The following DOCK9 variants were observed in gnomAD, a reference collection of about 807,000 sequenced individuals.
The protein encoded by DOCK9 is dedicator of cytokinesis 9.
A neutral mutation model predicts 263.3 loss-of-function variants in DOCK9; 89 were observed. That is an observed-to-expected ratio of 0.34 (90% confidence interval 0.28 to 0.40). DOCK9 has a LOEUF of 0.40. DOCK9 is among the 10% of genes least tolerant of loss of function. The pLI is 1.00. For missense variants in DOCK9, 2,140 were observed against 2,603.4 expected, an observed-to-expected ratio of 0.82 and a Z score of 3.87; for synonymous variants, 976 against 973.1, an observed-to-expected ratio of 1.00 and a Z score of -0.06.
At chr13:98,920,369 CT>C (rs2051737236) in intron 7 of DOCK9, among the ~76,000 whole-genome samples, 1 of 152,158 alleles carries the variant, frequency 6.6e-6, no homozygotes, top group South Asian at 2.1e-4. Flanking sequence ...CTGTTCTAAG[CT>C]TTTTACATGT....
At chr13:99,016,529 C>T (rs1885436880) in intron 1 of DOCK9, among the ~76,000 whole-genome samples, 1 of 152,202 alleles carries the variant, frequency 6.6e-6, no homozygotes, top group Admixed American at 6.5e-5. Context: ...GAAATACATG[C>T]TGAGGTCTCA....
intron 1 of DOCK9, among the ~76,000 whole-genome samples, chr13:98,993,420 T>A (rs183006137): frequency 4.3e-4 from 65 of 152,378 alleles, no homozygotes; most frequent in African/African-American, 1.5e-3. Context: ...GGAAATTTTT[T>A]AAACTGTTCC....
rs753028152 is a variant in DOCK9, at chr13:98,856,017, T to A, written c.3712A>T (p.Thr1238Ser). Reference sequence around the variant, plus strand: ...ACACTGTTGATGTTTGGAGTTGAGGTTGTATATGGAGAAGCTAAATGGAAA... The same window carrying A: ...ACACTGTTGATGTTTGGAGTTGAGGATGTATATGGAGAAGCTAAATGGAAA... ...AISGIASPYTTSTPNINSVRN... is the reference protein window; with the variant it reads ...AISGIASPYTSSTPNINSVRN... The change falls in exon 34 of 53, where the codon ACC becomes TCC. Residue 1238 changes from threonine (T) to serine (S), a missense_variant. Coordinates refer to ENST00000682017, the MANE Select transcript of DOCK9 (RefSeq NM_001366683.2). 1 of 1,613,728 alleles carries A rather than the reference T, an allele frequency of 6.2e-7. No individual in the cohort carries two copies. The highest frequency in any genetic ancestry group is 8.5e-7 in the Non-Finnish European group (1 of 1,179,846).
chr13:98,887,432 T>C (rs973194564), intron 18 of DOCK9, among the ~76,000 whole-genome samples: 4 of 149,822 alleles, frequency 2.7e-5, no homozygotes, highest in Non-Finnish European at 5.9e-5. Flanking sequence ...CTGGCTAACA[T>C]GGTGAAACCC....
chr13:99,027,445 C>A (rs1259858773), intron 1 of DOCK9, among the ~76,000 whole-genome samples: 1 of 152,204 alleles, frequency 6.6e-6, no homozygotes, highest in African/African-American at 2.4e-5. Flanking sequence ...CTCAGGCCCA[C>A]TGAAGGGCTG....
intron 1 of DOCK9, among the ~76,000 whole-genome samples, chr13:99,005,630 T>C (rs1185198800): frequency 6.6e-6 from 1 of 152,184 alleles, no homozygotes; most frequent in Non-Finnish European, 1.5e-5. Context: ...GAAATTGAAT[T>C]AGGATCTTAA....
At chr13:99,070,256 G>A (rs1210661740) in intron 1 of DOCK9, among the ~76,000 whole-genome samples, 1 of 152,150 alleles carries the variant, frequency 6.6e-6, no homozygotes, top group Non-Finnish European at 1.5e-5. Flanking sequence ...CATCTTACAT[G>A]TAGTACAAAC....
exon 1 of DOCK9, chr13:99,086,410 G>C (rs998301019): frequency 2.6e-4 from 256 of 984,004 alleles, no homozygotes; most frequent in Non-Finnish European, 3.1e-4. Context: ...CGGCCGCGCG[G>C]CCGCCAGGTG....
intron 1 of DOCK9, among the ~76,000 whole-genome samples, chr13:98,988,952 G>A (rs1181479032): frequency 6.6e-6 from 1 of 152,118 alleles, no homozygotes; most frequent in Non-Finnish European, 1.5e-5. Context: ...GCAACCACTG[G>A]CCCGGGGCCA....
chr13:98,897,245 T>C (rs1263112983), intron 15 of DOCK9, among the ~76,000 whole-genome samples: 1 of 152,160 alleles, frequency 6.6e-6, no homozygotes, highest in African/African-American at 2.4e-5. Flanking sequence ...CATAGGCTCA[T>C]CCTTACCCAG....
In DOCK9 at chr13:98,853,447, G is replaced by C; in HGVS notation, c.3907C>G (p.Leu1303Val). The change falls in exon 35 of 53, where the codon CTG (leucine) becomes GTG (valine). Residue 1303 changes from leucine to valine, a missense_variant. Coordinates refer to ENST00000682017, the MANE Select transcript of DOCK9 (RefSeq NM_001366683.2). Reference protein sequence around the residue: ...KLDQSEIKSLLMCFLYILKSM... With the variant: ...KLDQSEIKSLVMCFLYILKSM... ...TTTAAGATGTAGAGGAAACACATCA[G>C]TAGGCTCTTAATCTCAGACTGGTCA... 1.2e-6 allele frequency: 2 copies of C among 1,613,550 alleles called. No individual in the cohort carries two copies. The highest frequency in any genetic ancestry group is 1.7e-6 in the Non-Finnish European group (2 of 1,179,696).
At chr13:99,038,287 CCTTTTTTTTTTTT>C (rs1888108515) in intron 1 of DOCK9, among the ~76,000 whole-genome samples, 3 of 48,832 alleles carry the variant, frequency 6.1e-5, no homozygotes, top group African/African-American at 1.5e-4. Flanking sequence ...TTTATGCCCC[CCTTTTTTTTTTTT>C]TTTTTTTTTT....
At chr13:98,978,066 T>A, upstream of DOCK9, 1 of 1,423,846 alleles carries the variant, frequency 7.0e-7, no homozygotes, top group Non-Finnish European at 9.1e-7. Flanking sequence ...GCAGAGCCTG[T>A]GGGGTGGGAA....
chr13:98,831,612 A>C, intron 40 of DOCK9, 37 bp downstream of exon 40: 1 of 1,606,042 alleles, frequency 6.2e-7, no homozygotes, highest in Non-Finnish European at 8.5e-7. Context: ...CGGGGGAAGA[A>C]GGAAAACATC....
intron 1 of DOCK9, among the ~76,000 whole-genome samples, chr13:99,008,721 T>C (rs1229641953): frequency 6.6e-6 from 1 of 152,202 alleles, no homozygotes; most frequent in Non-Finnish European, 1.5e-5. Context: ...GCCAGTATGG[T>C]CAGGGCCTGG....
At chr13:99,015,623 T>G in intron 1 of DOCK9, 1 of 1,580,014 alleles carries the variant, frequency 6.3e-7, no homozygotes, top group Non-Finnish European at 8.6e-7. Context: ...AAGGTGTGGA[T>G]GTTCAGTTTT....
intron 9 of DOCK9, among the ~76,000 whole-genome samples, chr13:98,906,722 T>C (rs186898185): frequency 3.5e-4 from 54 of 152,246 alleles, no homozygotes; most frequent in South Asian, 1.0e-3. Flanking sequence ...AGCCATACGA[T>C]TGTTGTATAT....
intron 1 of DOCK9, among the ~76,000 whole-genome samples, chr13:99,040,481 T>C (rs928815732): frequency 6.6e-6 from 1 of 152,132 alleles, no homozygotes; most frequent in African/African-American, 2.4e-5. Context: ...AACAATATCA[T>C]AGTCAGAAAT....
At position 98,843,580 on chromosome 13, in the gene DOCK9, A is replaced by G. The variant is rs117104525; in HGVS notation, c.4198+2344T>C. On this transcript the variant is annotated intron_variant, in intron 38 of 52. Transcript: ENST00000682017. ...CAGAACCAATTCGGAATGAGCAGGA[A>G]TTGTAGGAATGCAGGCGAGGACTAG... Among the ~76,000 whole-genome samples the G allele has an allele frequency of 8.5e-5, 13 of 152,350 alleles. No homozygotes were observed. The East Asian group carries it at 2.5e-3, about 29-fold the overall frequency.
Sources: gnomAD v4.1 joint callset for allele counts (sites outside exome capture counted in the v4.1 genomes callset) on GRCh38, gnomAD v4.1.1 for gene constraint, MANE v1.5 for transcripts, NCBI Gene and HGNC (gene_info 2026-07-23, HGNC 2026-07-21) for gene names.